The following PLXDC2 variants were observed in gnomAD, a reference collection of about 807,000 sequenced individuals.
The protein encoded by PLXDC2 is plexin domain containing 2.
Under a neutral mutation model 68.9 loss-of-function variants are expected in PLXDC2, and 40 were observed. That is an observed-to-expected ratio of 0.58 (90% CI 0.45 to 0.76). The LOEUF is 0.76. Among genes scored for constraint, PLXDC2 ranks in the 30% least tolerant of loss-of-function variants. The pLI, the probability that PLXDC2 is intolerant of heterozygous loss-of-function variation, is 0.00. For missense variants in PLXDC2, 644 were observed against 661.9 expected, an observed-to-expected ratio of 0.97 and a Z score of 0.30; for synonymous variants, 243 against 234.2, an observed-to-expected ratio of 1.04 and a Z score of -0.34.
rs1336546725 is a variant in PLXDC2 at position 20,245,612 on chromosome 10, G to T, written c.1473+107G>T. On this transcript the variant is annotated intron_variant, in intron 13 of 13. Transcript: ENST00000377252. Reference sequence around the variant, plus strand: ...TACCACATGGCTTCTCCATTTTTCAGTTCAAGCTTTCTGATTTCACACACA... The same window carrying T: ...TACCACATGGCTTCTCCATTTTTCATTTCAAGCTTTCTGATTTCACACACA... 13 of 1,311,640 alleles carry T rather than the reference G, an allele frequency of 9.9e-6. No individual in the cohort carries two copies. In the South Asian group the frequency reaches 1.6e-4, roughly 16 times the overall value. 81.3% of individuals were successfully genotyped at this position (1,311,640 alleles called of 1,614,324 possible). A position where few individuals can be genotyped will look rare whatever the true frequency, so the allele number is the denominator to read the frequency against.
At chr10:20,234,663 C>CT (rs58791520) in intron 12 of PLXDC2, among the ~76,000 whole-genome samples, 40,086 of 125,336 alleles carry the variant, frequency 0.32, 5,912 homozygotes, top group Non-Finnish European at 0.37. Context: ...GGGTTTCTTT[C>CT]TTTTTTTTTT....
chr10:20,060,933 T>C (rs1836091374), intron 3 of PLXDC2, among the ~76,000 whole-genome samples: 1 of 152,210 alleles, frequency 6.6e-6, no homozygotes, highest in African/African-American at 2.4e-5. Context: ...CACATTTGGA[T>C]TGAAGTCTTA....
At chr10:19,823,380 G>T (rs1448039616) in intron 1 of PLXDC2, among the ~76,000 whole-genome samples, 1 of 151,828 alleles carries the variant, frequency 6.6e-6, no homozygotes, top group Non-Finnish European at 1.5e-5. Flanking sequence ...AATGAAGGAG[G>T]CTGTAAAAAT....
Position 20,169,145 on chromosome 10 carries a change from G to A in PLXDC2, c.883+4578G>A, listed in dbSNP as rs546968954. On this transcript the variant is annotated intron_variant, in intron 7 of 13. Coordinates refer to ENST00000377252, the MANE Select transcript of PLXDC2 (RefSeq NM_032812.9). Reference sequence around the variant, plus strand: ...TATTATCAGTAAAATGGTGCTAAACGTCCTTGTTTCTAAATTTTTGCATGT... The same window carrying A: ...TATTATCAGTAAAATGGTGCTAAACATCCTTGTTTCTAAATTTTTGCATGT... Among the ~76,000 whole-genome samples the A allele has an allele frequency of 6.6e-5, 10 of 152,194 alleles. No homozygotes were observed. The South Asian group carries it at 1.2e-3, about 19-fold the overall frequency.
chr10:20,234,289 A>G (rs1044786675), intron 12 of PLXDC2, among the ~76,000 whole-genome samples: 2 of 152,242 alleles, frequency 1.3e-5, no homozygotes, highest in Non-Finnish European at 2.9e-5. Context: ...GGAACAGGTC[A>G]GGTCAGGACC....
intron 1 of PLXDC2, among the ~76,000 whole-genome samples, chr10:19,834,709 T>G (rs977804949): frequency 6.6e-6 from 1 of 152,160 alleles, no homozygotes; most frequent in Admixed American, 6.5e-5. Context: ...TAGGTTGGGG[T>G]TGATAGTGAG....
chr10:19,997,130 C>A (rs1834857859), intron 1 of PLXDC2, among the ~76,000 whole-genome samples: 2 of 152,206 alleles, frequency 1.3e-5, no homozygotes, highest in Non-Finnish European at 1.5e-5. Context: ...TCCTTAGTAT[C>A]TCTGAACCAA....
intron 12 of PLXDC2, among the ~76,000 whole-genome samples, chr10:20,244,030 G>C (rs1835555271): frequency 6.6e-6 from 1 of 152,036 alleles, no homozygotes; most frequent in African/African-American, 2.4e-5. Context: ...CTGCACTCCA[G>C]CCTGGGCCTG....
At chr10:20,165,582 T>A (rs1322603346) in intron 7 of PLXDC2, among the ~76,000 whole-genome samples, 1 of 152,178 alleles carries the variant, frequency 6.6e-6, no homozygotes, top group African/African-American at 2.4e-5. Context: ...TCCAATTTCA[T>A]CCATGTCCCT....
intron 13 of PLXDC2, among the ~76,000 whole-genome samples, chr10:20,247,998 T>A (rs1205678578): frequency 6.6e-6 from 1 of 152,178 alleles, no homozygotes; most frequent in African/African-American, 2.4e-5. Context: ...AAGTTACAAA[T>A]GCATTCTTCA....
chr10:19,995,649 T>G (rs1367489270), intron 1 of PLXDC2, among the ~76,000 whole-genome samples: 1 of 152,200 alleles, frequency 6.6e-6, no homozygotes, highest in Non-Finnish European at 1.5e-5. Context: ...GGGCCAGACT[T>G]GCAAATAGCA....
At chr10:20,250,182 CA>C (rs1177672789) in intron 13 of PLXDC2, among the ~76,000 whole-genome samples, 2 of 147,188 alleles carry the variant, frequency 1.4e-5, no homozygotes, top group Admixed American at 6.9e-5. Flanking sequence ...GCAGGAAAAT[CA>C]TTTGAACCTG....
At chr10:19,841,267 C>A (rs1836898799) in intron 1 of PLXDC2, among the ~76,000 whole-genome samples, 1 of 152,106 alleles carries the variant, frequency 6.6e-6, no homozygotes, top group South Asian at 2.1e-4. Flanking sequence ...ATTAAAAAAT[C>A]AGCCCATGCC....
chr10:20,148,333 C>T (rs1834106514), intron 6 of PLXDC2, among the ~76,000 whole-genome samples: 3 of 151,224 alleles, frequency 2.0e-5, no homozygotes, highest in African/African-American at 7.3e-5. Context: ...CATTTATAGA[C>T]ACGAAAACTT....
At chr10:19,826,462 GT>G (rs982766083) in intron 1 of PLXDC2, among the ~76,000 whole-genome samples, 60 of 152,064 alleles carry the variant, frequency 3.9e-4, no homozygotes, top group African/African-American at 1.4e-3. Context: ...GGTCATTTTA[GT>G]TTTTTTGTCA....
At chr10:19,915,415 C>T (rs1053846131) in intron 1 of PLXDC2, among the ~76,000 whole-genome samples, 3 of 152,104 alleles carry the variant, frequency 2.0e-5, no homozygotes, top group Non-Finnish European at 4.4e-5. Context: ...GATGTTTTAG[C>T]CATCTCACAT....
intron 2 of PLXDC2, among the ~76,000 whole-genome samples, chr10:20,039,909 G>C (rs1372151859): frequency 6.6e-6 from 1 of 152,124 alleles, no homozygotes; most frequent in Non-Finnish European, 1.5e-5. Context: ...TATTTGAATA[G>C]ATGCAACTTT....
At chr10:20,153,767 T>TA (rs1376608291) in intron 6 of PLXDC2, among the ~76,000 whole-genome samples, 1 of 152,168 alleles carries the variant, frequency 6.6e-6, no homozygotes, top group Non-Finnish European at 1.5e-5. Context: ...TTTCCAAAGA[T>TA]ATGGAACAAA....
At chr10:20,067,644 C>T (rs920952743) in intron 3 of PLXDC2, among the ~76,000 whole-genome samples, 5 of 149,810 alleles carry the variant, frequency 3.3e-5, no homozygotes, top group African/African-American at 7.4e-5. Flanking sequence ...GCCGAGATTG[C>T]GTCACTTCAC....
Sources: gnomAD v4.1 joint callset for allele counts (sites outside exome capture counted in the v4.1 genomes callset) on GRCh38, gnomAD v4.1.1 for gene constraint, MANE v1.5 for transcripts, NCBI Gene and HGNC (gene_info 2026-07-23, HGNC 2026-07-21) for gene names.